The following USP32 variants were observed in gnomAD, a reference collection of about 807,000 sequenced individuals.
USP32 encodes the protein ubiquitin carboxyl-terminal hydrolase 32.
In USP32, 59 loss-of-function variants were observed where a neutral mutation model predicts 204.8. That is an observed-to-expected ratio of 0.29 (90% confidence interval 0.23 to 0.36). The LOEUF (loss-of-function observed/expected upper bound fraction) is 0.36. USP32 is among the 10% of genes least tolerant of loss of function. The probability of loss-of-function intolerance (pLI) is 1.00; values close to 1 mark genes in which losing one functional copy is unlikely to be tolerated. For synonymous variants in USP32, 517 were observed against 678.4 expected, an observed-to-expected ratio of 0.76 and a Z score of 3.70; for missense variants, 1,160 against 1,946.4, an observed-to-expected ratio of 0.60 and a Z score of 7.60.
intron 16 of USP32, among the ~76,000 whole-genome samples, chr17:60,215,025 T>G (rs2085066239): frequency 6.6e-6 from 1 of 152,160 alleles, no homozygotes; most frequent in Admixed American, 6.5e-5. Flanking sequence ...TAGAGTGCGG[T>G]GCTGTGATTT....
intron 11 of USP32, among the ~76,000 whole-genome samples, chr17:60,241,861 G>A (rs1272610462): frequency 3.3e-5 from 5 of 151,990 alleles, no homozygotes; most frequent in African/African-American, 7.2e-5. Flanking sequence ...AAACTCAAAC[G>A]TTTTTAATTT....
At chr17:60,285,434 A>C (rs561887711) in intron 5 of USP32, among the ~76,000 whole-genome samples, 2 of 152,222 alleles carry the variant, frequency 1.3e-5, no homozygotes, top group Non-Finnish European at 2.9e-5. Flanking sequence ...TGTAATCTGT[A>C]GTCAAGTTAT....
intron 29 of USP32, among the ~76,000 whole-genome samples, chr17:60,186,301 G>C (rs1186450230): frequency 6.6e-6 from 1 of 152,232 alleles, no homozygotes; most frequent in Non-Finnish European, 1.5e-5. Context: ...GGTGCTGATA[G>C]TAAGCCATTT....
chr17:60,232,517 T>G (rs902096748), intron 12 of USP32, among the ~76,000 whole-genome samples: 1 of 144,362 alleles, frequency 6.9e-6, no homozygotes, highest in Non-Finnish European at 1.5e-5. Flanking sequence ...TTTGTCAAAG[T>G]GGCCACATGG....
intron 5 of USP32, among the ~76,000 whole-genome samples, chr17:60,276,968 A>ATATAT (rs1567821781): frequency 4.5e-5 from 6 of 134,350 alleles, no homozygotes; most frequent in African/African-American, 2.2e-4. Flanking sequence ...TATATATATA[A>ATATAT]AATTACCAAA....
intron 15 of USP32, among the ~76,000 whole-genome samples, chr17:60,220,816 T>C (rs71373842): frequency 2.0e-5 from 3 of 151,800 alleles, no homozygotes; most frequent in Non-Finnish European, 4.4e-5. Context: ...GCTAATTTTG[T>C]TTTTGTATTT....
rs192776047 is a variant in USP32, at chr17:60,292,019, C to T, written c.411+2664G>A. Among the ~76,000 whole-genome samples, 328 of 151,768 alleles carry T rather than the reference C, an allele frequency of 2.2e-3. 4 individuals carry two copies. Among genetic ancestry groups the T allele is most frequent in the African/African-American group, 7.5e-3 (310 of 41,394 alleles). On this transcript the variant is annotated intron_variant, in intron 4 of 33. Coordinates refer to ENST00000300896, the MANE Select transcript of USP32 (RefSeq NM_032582.4). ...ATTTTTTAATTCCACAGGACCTACA[C>T]CAATGACCTACCTGCAGATCACCAA...
intron 2 of USP32, among the ~76,000 whole-genome samples, chr17:60,318,257 A>G (rs750285309): frequency 2.0e-5 from 3 of 152,260 alleles, no homozygotes; most frequent in Non-Finnish European, 4.4e-5. Flanking sequence ...ATATAAAGAT[A>G]TAGAAGAAGA....
intron 9 of USP32, among the ~76,000 whole-genome samples, chr17:60,263,982 C>G (rs1268718198): frequency 6.6e-6 from 1 of 151,994 alleles, no homozygotes; most frequent in Admixed American, 6.6e-5. Context: ...TAGAAAGACT[C>G]CAATTTATGC....
chr17:60,219,086 A>G (rs1453194944), intron 16 of USP32, among the ~76,000 whole-genome samples: 1 of 152,166 alleles, frequency 6.6e-6, no homozygotes, highest in African/African-American at 2.4e-5. Context: ...CAAATATATC[A>G]CTTTAATCTT....
At chr17:60,297,997 G>A (rs1450037545) in intron 3 of USP32, among the ~76,000 whole-genome samples, 1 of 152,178 alleles carries the variant, frequency 6.6e-6, no homozygotes, top group Non-Finnish European at 1.5e-5. Flanking sequence ...GTTCTGGCTG[G>A]TTTACAGAGG....
At chr17:60,293,687 T>C (rs1239738889) in intron 4 of USP32, among the ~76,000 whole-genome samples, 1 of 152,190 alleles carries the variant, frequency 6.6e-6, no homozygotes, top group Non-Finnish European at 1.5e-5. Flanking sequence ...TGATAGGCAG[T>C]CCAAAGATAT....
chr17:60,354,432 TAAACATTGGG>T (rs2089022181), intron 1 of USP32, among the ~76,000 whole-genome samples: 1 of 152,066 alleles, frequency 6.6e-6, no homozygotes, highest in South Asian at 2.1e-4. Context: ...CAGAGATAAA[TAAACATTGGG>T]AAATATGCCT....
chr17:60,291,909 C>T (rs1162415211), intron 4 of USP32, among the ~76,000 whole-genome samples: 1 of 151,770 alleles, frequency 6.6e-6, no homozygotes, highest in Non-Finnish European at 1.5e-5. Flanking sequence ...ACTTCCTCTT[C>T]CCATAATTGA....
At chr17:60,222,973 C>T (rs1372739499) in intron 14 of USP32, among the ~76,000 whole-genome samples, 1 of 151,914 alleles carries the variant, frequency 6.6e-6, no homozygotes, top group African/African-American at 2.4e-5. Context: ...TGAGCCACCA[C>T]GTCCAGCAAA....
At chr17:60,294,574 A>C in intron 4 of USP32, 109 bp downstream of exon 4, 2 of 592,842 alleles carry the variant, frequency 3.4e-6, no homozygotes, top group Non-Finnish European at 5.7e-6. Context: ...AAAAATGCCA[A>C]GAGTAATCTG....
At chr17:60,192,596 C>G (rs906423486) in intron 28 of USP32, among the ~76,000 whole-genome samples, 3 of 151,976 alleles carry the variant, frequency 2.0e-5, no homozygotes, top group Non-Finnish European at 2.9e-5. Flanking sequence ...CACCACGCCC[C>G]GCTAATTTTT....
At chr17:60,232,736 G>A (rs1321996200) in intron 12 of USP32, among the ~76,000 whole-genome samples, 3 of 151,642 alleles carry the variant, frequency 2.0e-5, no homozygotes, top group East Asian at 1.9e-4. Context: ...TAGTAGAGAC[G>A]GGTTTTCTCC....
chr17:60,232,088 T>C (rs2085568810), intron 12 of USP32, among the ~76,000 whole-genome samples: 1 of 151,988 alleles, frequency 6.6e-6, no homozygotes, highest in African/African-American at 2.4e-5. Context: ...GAGAAAAAAT[T>C]AAAGCTAAGT....
Sources: allele counts gnomAD v4.1 joint callset (sites outside exome capture counted in the v4.1 genomes callset), GRCh38; gene constraint gnomAD v4.1.1; transcripts MANE v1.5; gene names NCBI Gene and HGNC (gene_info 2026-07-23, HGNC 2026-07-21).